SEMA6D: variants seen among roughly 807,000 people sequenced by gnomAD.
SEMA6D encodes semaphorin 6D.
Under a neutral mutation model 106.6 loss-of-function variants are expected in SEMA6D, and 35 were observed. The observed-to-expected ratio is 0.33, with a 90% CI of 0.25 to 0.44. The LOEUF is 0.44. SEMA6D is among the 20% of genes least tolerant of loss of function. SEMA6D has a pLI of 1.00. For synonymous variants in SEMA6D, 499 were observed against 487.7 expected (o/e 1.02, Z -0.31); for missense variants, 1,185 against 1,345.9 (o/e 0.88, Z 1.87).
chr15:47,436,356 C>T (rs150409344), intron 2 of SEMA6D, among the ~76,000 whole-genome samples: 146 of 151,468 alleles, frequency 9.6e-4, no homozygotes, highest in African/African-American at 3.2e-3. Context: ...TGCCATTGCA[C>T]CCCAGCCTAG....
intron 1 of SEMA6D, among the ~76,000 whole-genome samples, chr15:47,285,286 C>G (rs1015359808): frequency 1.3e-5 from 2 of 151,838 alleles, no homozygotes; most frequent in African/African-American, 4.8e-5. Context: ...TTTAACCTTT[C>G]TAGTGGCTGA....
At chr15:47,269,822 G>T (rs993300994) in intron 1 of SEMA6D, among the ~76,000 whole-genome samples, 4 of 151,912 alleles carry the variant, frequency 2.6e-5, no homozygotes, top group Admixed American at 2.6e-4. Flanking sequence ...CCAAGTAAAA[G>T]CTATCTTTGT....
At chr15:47,435,900 T>C (rs2041684498) in intron 2 of SEMA6D, among the ~76,000 whole-genome samples, 1 of 152,004 alleles carries the variant, frequency 6.6e-6, no homozygotes, top group Non-Finnish European at 1.5e-5. Context: ...TGTGGTTTAG[T>C]AGGGGCGATA....
intron 3 of SEMA6D, among the ~76,000 whole-genome samples, chr15:47,517,155 A>G (rs745466970): frequency 3.9e-5 from 6 of 152,166 alleles, no homozygotes; most frequent in Non-Finnish European, 7.3e-5. Context: ...TATTACTCTT[A>G]GGACTTCAGG....
intron 1 of SEMA6D, among the ~76,000 whole-genome samples, chr15:47,277,512 T>G (rs1035410691): frequency 7.2e-5 from 11 of 151,868 alleles, no homozygotes; most frequent in African/African-American, 2.7e-4. Flanking sequence ...AGAAAGACTG[T>G]GACTCAGTGC....
chr15:47,463,336 C>T (rs1039949217), intron 2 of SEMA6D, among the ~76,000 whole-genome samples: 2 of 152,136 alleles, frequency 1.3e-5, no homozygotes, highest in Non-Finnish European at 2.9e-5. Context: ...TCAAAACTTT[C>T]TTCTCCATAA....
chr15:47,536,390 A>G lies in SEMA6D; in HGVS notation c.-86-64475A>G, dbSNP rs999464122. Among the ~76,000 whole-genome samples the G allele has an allele frequency of 3.3e-5, 5 of 152,236 alleles. No homozygotes were observed. In the East Asian group the frequency reaches 9.6e-4, roughly 29 times the overall value. On this transcript the variant is annotated intron_variant, in intron 3 of 19. Coordinates refer to the SEMA6D transcript ENST00000558014. ...AGAGGTGAAAAGTTCTTTGAAGGCC[A>G]AGAGGAAAGGGTATCCATTCTTATT...
chr15:47,254,607 G>T (rs1331061803), intron 1 of SEMA6D, among the ~76,000 whole-genome samples: 1 of 151,944 alleles, frequency 6.6e-6, no homozygotes, highest in Non-Finnish European at 1.5e-5. Flanking sequence ...TACCTAATTT[G>T]TTGAGTGTTT....
intron 2 of SEMA6D, among the ~76,000 whole-genome samples, chr15:47,459,722 G>C (rs1237140424): frequency 8.6e-5 from 13 of 151,976 alleles, no homozygotes; most frequent in Admixed American, 8.5e-4. Flanking sequence ...TCTTTCCCCT[G>C]CAGCTTTGCA....
chr15:47,528,564 G>A (rs902374163), intron 3 of SEMA6D, among the ~76,000 whole-genome samples: 1 of 152,188 alleles, frequency 6.6e-6, no homozygotes, highest in African/African-American at 2.4e-5. Context: ...GTGGAATGAA[G>A]GGATATTTTT....
intron 3 of SEMA6D, among the ~76,000 whole-genome samples, chr15:47,543,497 ATGTGGAAC>A (rs746791729): frequency 4.6e-5 from 7 of 152,278 alleles, no homozygotes; most frequent in Non-Finnish European, 8.8e-5. Context: ...CTCCCCAGCC[ATGTGGAAC>A]TGTGAGTCTA....
chr15:47,522,221 A>G (rs540961096), intron 3 of SEMA6D, among the ~76,000 whole-genome samples: 2 of 152,364 alleles, frequency 1.3e-5, no homozygotes, highest in South Asian at 2.1e-4. Context: ...ATGCTTTTCA[A>G]TAACAATGCA....
chr15:47,711,170 C>T (rs1404281803), intron 4 of SEMA6D, among the ~76,000 whole-genome samples: 2 of 151,266 alleles, frequency 1.3e-5, no homozygotes, highest in African/African-American at 2.4e-5. Flanking sequence ...ATTAGCCGGG[C>T]GTAGTGGCGG....
chr15:47,226,202 C>T (rs1421469813), intron 1 of SEMA6D, among the ~76,000 whole-genome samples: 2 of 152,018 alleles, frequency 1.3e-5, no homozygotes, highest in African/African-American at 2.4e-5. Context: ...TTCCAGCAAA[C>T]CACCAGAAAC....
At chr15:47,748,879 C>G (rs897658429) in intron 1 of SEMA6D, among the ~76,000 whole-genome samples, 1 of 151,846 alleles carries the variant, frequency 6.6e-6, no homozygotes, top group Non-Finnish European at 1.5e-5. Context: ...CACTAGAAGT[C>G]TAGGAGAACA....
intron 3 of SEMA6D, among the ~76,000 whole-genome samples, chr15:47,512,408 A>G (rs543317973): frequency 1.3e-5 from 2 of 152,364 alleles, no homozygotes; most frequent in South Asian, 4.1e-4. Flanking sequence ...AACCATCAAC[A>G]ACAGGAGGAT....
chr15:47,340,696 G>A (rs1383271785), intron 1 of SEMA6D, among the ~76,000 whole-genome samples: 1 of 152,174 alleles, frequency 6.6e-6, no homozygotes, highest in Non-Finnish European at 1.5e-5. Flanking sequence ...GGAGTGAAAT[G>A]ATGATGTGGC....
At chr15:47,355,810 G>A (rs987160594) in intron 1 of SEMA6D, among the ~76,000 whole-genome samples, 2 of 152,064 alleles carry the variant, frequency 1.3e-5, no homozygotes, top group Admixed American at 1.3e-4. Flanking sequence ...CTTTGTACTA[G>A]AAGGGCATGT....
chr15:47,548,151 A>G (rs1169078697), intron 3 of SEMA6D, among the ~76,000 whole-genome samples: 3 of 152,256 alleles, frequency 2.0e-5, no homozygotes, highest in Non-Finnish European at 2.9e-5. Flanking sequence ...GGGCTTTTCA[A>G]ACTTTCCTAA....
Sources: allele counts gnomAD v4.1 joint callset (sites outside exome capture counted in the v4.1 genomes callset), GRCh38; gene constraint gnomAD v4.1.1; transcripts MANE v1.5; gene names NCBI Gene and HGNC (gene_info 2026-07-23, HGNC 2026-07-21).